Variants in FBXO43 observed in about 807,000 individuals in gnomAD.
The protein encoded by FBXO43 is F-box only protein 43.
Under a neutral mutation model 56.7 loss-of-function variants are expected in FBXO43, and 22 were observed. The observed-to-expected ratio is 0.39, with a 90% CI of 0.28 to 0.55. The LOEUF is 0.55. Ranked by LOEUF, FBXO43 falls within the 20% of genes least tolerant of loss-of-function variation. The probability of loss-of-function intolerance (pLI) is 0.66; values close to 1 mark genes in which losing one functional copy is unlikely to be tolerated. For missense variants in FBXO43, 733 were observed against 814.9 expected, an observed-to-expected ratio of 0.90 and a Z score of 1.22; for synonymous variants, 306 against 294.5, an observed-to-expected ratio of 1.04 and a Z score of -0.40.
In FBXO43 at chr8:100,137,685, A is replaced by G. The variant is rs753215642; in HGVS notation, c.1572-18T>C. On this transcript the variant is annotated intron_variant, in intron 2 of 4. Coordinates refer to ENST00000428847, the MANE Select transcript of FBXO43 (RefSeq NM_001029860.4). ...TCCAAACACTATAACAAAAAGATCC[A>G]TCCTTATATTGCATACATTCTATAG... is the stretch of plus-strand genomic sequence containing the variant. The G allele has an allele frequency of 3.6e-5, 55 of 1,545,860 alleles. No homozygotes were observed. The highest frequency in any genetic ancestry group is 1.7e-4 in the Middle Eastern group (1 of 5,944).
At chr8:100,135,018 C>T (rs1289855930) in intron 3 of FBXO43, among the ~76,000 whole-genome samples, 1 of 151,782 alleles carries the variant, frequency 6.6e-6, no homozygotes, top group African/African-American at 2.4e-5. Context: ...TATAGAGAAA[C>T]ACTAAGCAAA....
intron 1 of FBXO43, among the ~76,000 whole-genome samples, chr8:100,142,733 C>T (rs1814698362): frequency 6.6e-6 from 1 of 152,188 alleles, no homozygotes; most frequent in South Asian, 2.1e-4. Flanking sequence ...TAACCATTCA[C>T]GAGATGTGAA....
chr8:100,136,021 G>A (rs1425433018), intron 3 of FBXO43, among the ~76,000 whole-genome samples: 3 of 151,740 alleles, frequency 2.0e-5, no homozygotes, highest in Non-Finnish European at 4.4e-5. Context: ...GAGGAGTTAA[G>A]GAGTATATGG....
Position 100,141,646 on chromosome 8 carries a change from A to C in FBXO43, c.608T>G (p.Phe203Cys), listed in dbSNP as rs1258162388. 1 of 1,613,234 alleles carries C rather than the reference A, an allele frequency of 6.2e-7. No individual in the cohort carries two copies. Among genetic ancestry groups the C allele is most frequent in the South Asian group, 1.1e-5 (1 of 91,032 alleles). The stretch of plus-strand genomic sequence containing the variant: ...TAAAGTGCTAGTAACTAAAGGGCTA[A>C]AATTATTTGCCCTGGAAAAACCTGA... ...SASGFSRANN[F>C]SPLVTSTLKT... The change falls in exon 2 of 5, where the codon TTT becomes TGT. Residue 203 changes from phenylalanine to cysteine, a missense_variant. Coordinates refer to ENST00000428847, the MANE Select transcript of FBXO43 (RefSeq NM_001029860.4).
At chr8:100,143,680 C>A (rs1563755551) in intron 1 of FBXO43, among the ~76,000 whole-genome samples, 1 of 152,214 alleles carries the variant, frequency 6.6e-6, no homozygotes, top group African/African-American at 2.4e-5. Context: ...TACATCTCCA[C>A]CCATGAACTG....
chr8:100,149,306 G>T (rs148183639), upstream of FBXO43, among the ~76,000 whole-genome samples: 12 of 152,298 alleles, frequency 7.9e-5, no homozygotes, highest in South Asian at 2.3e-3. Flanking sequence ...TTCTGCACGA[G>T]AATTATCTTG....
Position 100,142,183 on chromosome 8 carries a change from CA to C in FBXO43, c.86-16del, listed in dbSNP as rs1323210273. The C allele has an allele frequency of 5.3e-6, 8 of 1,522,530 alleles. No individual in the cohort carries two copies. In the African/African-American group the frequency reaches 1.1e-4, roughly 21 times the overall value. 94.3% of individuals were successfully genotyped at this position (1,522,530 alleles called of 1,614,324 possible). A position where few individuals can be genotyped will look rare whatever the true frequency, so the allele number is the denominator to read the frequency against. On this transcript the variant is annotated splice_polypyrimidine_tract_variant and intron_variant, in intron 1 of 4. Coordinates refer to ENST00000428847, the MANE Select transcript of FBXO43 (RefSeq NM_001029860.4). ...AATCTCTGTTTCTGCAAAGTGACAACAAAGTTATTCTGCCTTTGAAATGAGT... is the reference window on the plus strand; with the variant it reads ...AATCTCTGTTTCTGCAAAGTGACAACAAGTTATTCTGCCTTTGAAATGAGT...
chr8:100,149,402 G>T (rs1814881510), upstream of FBXO43, among the ~76,000 whole-genome samples: 1 of 152,162 alleles, frequency 6.6e-6, no homozygotes, highest in Non-Finnish European at 1.5e-5. Flanking sequence ...CTTTCGCTTA[G>T]GATAACAATG....
rs1220514812 is a variant in FBXO43 at position 100,140,734 on chromosome 8, T to C, written c.1520A>G (p.Lys507Arg). ...CTCTAAAACCATAGCAAGAATATGC[T>C]TTAAATTTCTATATTTTAATTCTGT... ...ILTELKYRNL[K>R]HILAMVLESL... Residue 507 changes from lysine to arginine, a missense_variant, in exon 2 of 5, where the codon AAG (lysine) becomes AGG (arginine). Coordinates refer to ENST00000428847, the MANE Select transcript of FBXO43 (RefSeq NM_001029860.4). 2 of 1,613,214 alleles carry C rather than the reference T, an allele frequency of 1.2e-6. No individual in the cohort carries two copies.
Position 100,133,790 on chromosome 8 carries a change from T to C in FBXO43, c.*12A>G, listed in dbSNP as rs1456061963. ...TAGAACACTGCATGGGGGAGTTCTA[T>C]ATTTAGTCTCTTCAGAGGCGTTTTA... On this transcript the variant is annotated 3_prime_UTR_variant, in exon 5 of 5. Transcript: ENST00000428847. 1 of 1,610,096 alleles carries C rather than the reference T, an allele frequency of 6.2e-7. No individual in the cohort carries two copies. The highest frequency in any genetic ancestry group is 8.5e-7 in the Non-Finnish European group (1 of 1,178,636).
At position 100,145,055 on chromosome 8, in the gene FBXO43, A is replaced by T; in HGVS notation, c.81T>A (p.Thr27=). Residue 27 remains threonine, a synonymous_variant, in exon 1 of 5, where the codon ACT becomes ACA. Coordinates refer to ENST00000428847, the MANE Select transcript of FBXO43 (RefSeq NM_001029860.4). ...TGTTAAAGTGGAAACTCTTACCATC[A>T]GTAAATCTTGAGCTCTTAGATGTCA... ...VTLTSKSSRF[T]DETEILKMSQ... The T allele has an allele frequency of 6.2e-7, 1 of 1,610,850 alleles. No homozygotes were observed. Among genetic ancestry groups the T allele is most frequent in the Non-Finnish European group, 8.5e-7 (1 of 1,177,876 alleles).
At chr8:100,147,324 C>CTT (rs1814852911), upstream of FBXO43, among the ~76,000 whole-genome samples, 1 of 152,196 alleles carries the variant, frequency 6.6e-6, no homozygotes, top group Admixed American at 6.5e-5. Flanking sequence ...TACTGGAGAA[C>CTT]AGAGTGCATG....
chr8:100,135,045 A>G (rs753427652), intron 3 of FBXO43, among the ~76,000 whole-genome samples: 13 of 152,234 alleles, frequency 8.5e-5, no homozygotes, highest in Non-Finnish European at 1.2e-4. Flanking sequence ...TAAATAAAAG[A>G]GAGAGAAAAA....
chr8:100,135,616 T>G (rs1814446506), intron 3 of FBXO43, among the ~76,000 whole-genome samples: 1 of 152,188 alleles, frequency 6.6e-6, no homozygotes, highest in Non-Finnish European at 1.5e-5. Context: ...TATAATTTTT[T>G]TTTTTTGAGA....
Position 100,140,816 on chromosome 8 carries a change from A to C in FBXO43, c.1438T>G (p.Cys480Gly). 1 of 1,614,138 alleles carries C rather than the reference A, an allele frequency of 6.2e-7. No individual in the cohort carries two copies. The highest frequency in any genetic ancestry group is 1.7e-5 in the Admixed American group (1 of 60,020). ...TTGCCGATCAGTCCTGCAAGTATAC[A>C]CTGCAGTACAGCTATTTTCTCCCCA... ...GDGEKIAVLQ[C>G]ILAGLIGKKM... The change falls in exon 2 of 5, where the codon TGT becomes GGT. Residue 480 changes from cysteine (C) to glycine (G), a missense_variant. Coordinates refer to ENST00000428847, the MANE Select transcript of FBXO43 (RefSeq NM_001029860.4).
rs758127396 is a variant in FBXO43, at chr8:100,145,136, GC to G, written c.-2del. On this transcript the variant is annotated 5_prime_UTR_variant, in exon 1 of 5. Transcript: ENST00000428847. ...TCTCATCTTTGTCTTTAAAACTCAT[GC>G]CAAAATAATGCCACTTAAAGAGGAA... The G allele has an allele frequency of 1.9e-5, 30 of 1,606,172 alleles. 3 individuals carry two copies. The South Asian group carries it at 3.0e-4, about 16-fold the overall frequency.
At chr8:100,139,562 C>T (rs1814575874) in intron 2 of FBXO43, among the ~76,000 whole-genome samples, 2 of 152,212 alleles carry the variant, frequency 1.3e-5, no homozygotes, top group Non-Finnish European at 2.9e-5. Flanking sequence ...TCCTGTTCCA[C>T]ATGACTTCTC....
At position 100,140,693 on chromosome 8, in the gene FBXO43, T is replaced by C. The variant is rs1334195260; in HGVS notation, c.1561A>G (p.Ser521Gly). Reference sequence around the variant, plus strand: ...ACTCTTACTTCTTACCTGCATAGGCTCTCTGCGGTCAAGGACTCTAAAACC... The same window carrying C: ...ACTCTTACTTCTTACCTGCATAGGCCCTCTGCGGTCAAGGACTCTAAAACC... ...AMVLESLTAE[S>G]LCSVWKVSRN... The change falls in exon 2 of 5, where the codon AGC becomes GGC. Residue 521 changes from serine to glycine, a missense_variant. Transcript: ENST00000428847. The C allele has an allele frequency of 4.4e-6, 7 of 1,591,550 alleles. No homozygotes were observed. Among genetic ancestry groups the C allele is most frequent in the Non-Finnish European group, 6.0e-6 (7 of 1,172,704 alleles).
At chr8:100,149,794 C>T (rs1380920731), upstream of FBXO43, among the ~76,000 whole-genome samples, 1 of 152,138 alleles carries the variant, frequency 6.6e-6, no homozygotes, top group African/African-American at 2.4e-5. Flanking sequence ...CTTTCACTAA[C>T]TTTAAAATAG....
Sources: gnomAD v4.1 joint callset for allele counts (sites outside exome capture counted in the v4.1 genomes callset) on GRCh38, gnomAD v4.1.1 for gene constraint, MANE v1.5 for transcripts, NCBI Gene and HGNC (gene_info 2026-07-23, HGNC 2026-07-21) for gene names.